SCD5: variants seen among roughly 807,000 people sequenced by gnomAD.
SCD5 encodes acyl-CoA-desaturase 4.
In SCD5, 20 loss-of-function variants were observed where a neutral mutation model predicts 30.4. That is an observed-to-expected ratio of 0.66 (90% CI 0.46 to 0.96). SCD5 has a LOEUF of 0.96. SCD5 is among the 40% of genes least tolerant of loss of function. The pLI, the probability that SCD5 is intolerant of heterozygous loss-of-function variation, is 0.00. For missense variants in SCD5, 381 were observed against 443.3 expected, an observed-to-expected ratio of 0.86 and a Z score of 1.26; for synonymous variants, 173 against 176.4, an observed-to-expected ratio of 0.98 and a Z score of 0.16.
chr4:82,637,868 T>C (rs866753514), intron 3 of SCD5, among the ~76,000 whole-genome samples: 12 of 152,106 alleles, frequency 7.9e-5, no homozygotes, highest in Admixed American at 6.5e-5. Flanking sequence ...ACTGTATGGT[T>C]CTTTTTAAAA....
Position 82,662,610 on chromosome 4 carries a change from A to G in SCD5, c.569+18097T>C, listed in dbSNP as rs190337576. Among the ~76,000 whole-genome samples the G allele has an allele frequency of 2.0e-5, 3 of 152,026 alleles. No homozygotes were observed. The East Asian group carries it at 5.8e-4, about 29-fold the overall frequency. ...TATGGTGGCTCATGCCTGTAATCCCAGCACTTTGGGAGGCTGAGGTAGGTG... is the reference window on the plus strand; with the variant it reads ...TATGGTGGCTCATGCCTGTAATCCCGGCACTTTGGGAGGCTGAGGTAGGTG... On this transcript the variant is annotated intron_variant, in intron 3 of 4. Transcript: ENST00000319540.
intron 3 of SCD5, among the ~76,000 whole-genome samples, chr4:82,645,921 C>T (rs1273011332): frequency 1.3e-5 from 2 of 152,194 alleles, no homozygotes; most frequent in Non-Finnish European, 2.9e-5. Context: ...AAAGAAATCA[C>T]CGTTCTCTGT....
intron 3 of SCD5, among the ~76,000 whole-genome samples, chr4:82,665,826 G>T (rs6535369): frequency 0.34 from 51,087 of 151,854 alleles, 9,277 homozygotes; most frequent in African/African-American, 0.48. Context: ...TTTTACATAG[G>T]ATATAGGATA....
At chr4:82,720,663 C>G (rs1429685536) in intron 1 of SCD5, among the ~76,000 whole-genome samples, 1 of 152,058 alleles carries the variant, frequency 6.6e-6, no homozygotes, top group Admixed American at 6.5e-5. Flanking sequence ...CTCTGTAGGT[C>G]CAGGTACTCA....
chr4:82,697,709 G>A (rs10014388), intron 2 of SCD5, among the ~76,000 whole-genome samples: 53,547 of 152,022 alleles, frequency 0.35, 10,188 homozygotes, highest in Middle Eastern at 0.52. Context: ...AGAAAATGCC[G>A]TACCCCACGC....
Position 82,631,138 on chromosome 4 carries a change from G to A in SCD5, c.*189C>T, listed in dbSNP as rs28476539. 0.2 allele frequency: 98,696 copies of A among 488,350 alleles called. 11,557 individuals are homozygous for A. Among genetic ancestry groups the A allele is most frequent in the East Asian group, 0.34 (9,748 of 28,974 alleles). 30.3% of individuals were successfully genotyped at this position (488,350 alleles called of 1,614,324 possible). A position where few individuals can be genotyped will look rare whatever the true frequency, so the allele number is the denominator to read the frequency against. On this transcript the variant is annotated 3_prime_UTR_variant, in exon 5 of 5. Transcript: ENST00000319540. ...AAACAAAACAAACAAAAAAAAAAAC[G>A]AAAGTTTTTTCATTGATAATTGTAT...
rs147086852 is a variant in SCD5, at chr4:82,712,686, T to C, written c.233-7273A>G. On this transcript the variant is annotated intron_variant, in intron 1 of 4. Coordinates refer to ENST00000319540, the MANE Select transcript of SCD5 (RefSeq NM_001037582.3). ...GGCCCAGAGTCCCTGAGTGTTTCTCTGACCAGCCAGATCAGAGAGACAGAG... is the reference window on the plus strand; with the variant it reads ...GGCCCAGAGTCCCTGAGTGTTTCTCCGACCAGCCAGATCAGAGAGACAGAG... 3.2e-3 allele frequency among the ~76,000 whole-genome samples: 484 copies of C among 152,196 alleles called. 3 individuals carry two copies. Among genetic ancestry groups the C allele is most frequent in the East Asian group, 0.028 (146 of 5,158 alleles).
At chr4:82,721,969 A>G (rs58112844) in intron 1 of SCD5, among the ~76,000 whole-genome samples, 6,484 of 152,314 alleles carry the variant, frequency 0.043, 463 homozygotes, top group African/African-American at 0.15. Flanking sequence ...TAGCATCAGT[A>G]ACACTGGAAC....
intron 1 of SCD5, among the ~76,000 whole-genome samples, chr4:82,769,243 C>G (rs78868620): frequency 0.037 from 5,661 of 152,202 alleles, 150 homozygotes; most frequent in African/African-American, 0.074. Context: ...CCTTTGTGAT[C>G]CTCAGTTTGC....
chr4:82,754,172 A>G (rs1441802176), intron 1 of SCD5, among the ~76,000 whole-genome samples: 1 of 152,220 alleles, frequency 6.6e-6, no homozygotes, highest in Admixed American at 6.5e-5. Context: ...GGAGTTAAGA[A>G]GGGCAAAAGA....
intron 1 of SCD5, among the ~76,000 whole-genome samples, chr4:82,775,245 C>T (rs1721720266): frequency 6.6e-6 from 1 of 152,228 alleles, no homozygotes; most frequent in African/African-American, 2.4e-5. Flanking sequence ...CTGTTCACTC[C>T]TTATTTCACT....
chr4:82,657,593 G>A (rs190839146), intron 3 of SCD5, among the ~76,000 whole-genome samples: 21 of 152,230 alleles, frequency 1.4e-4, no homozygotes, highest in African/African-American at 5.1e-4. Context: ...CTCTTTTTTG[G>A]TTCCATATGA....
At chr4:82,641,381 A>G (rs544041806) in intron 3 of SCD5, among the ~76,000 whole-genome samples, 62 of 152,280 alleles carry the variant, frequency 4.1e-4, no homozygotes, top group African/African-American at 1.4e-3. Context: ...ACAATGAACA[A>G]TATAAATAAG....
intron 2 of SCD5, among the ~76,000 whole-genome samples, chr4:82,704,215 G>A (rs1040159064): frequency 2.0e-5 from 3 of 152,194 alleles, no homozygotes; most frequent in African/African-American, 7.2e-5. Flanking sequence ...AGGTTGTCTC[G>A]TAGGAGTGGA....
chr4:82,737,061 G>A (rs1201092079), intron 1 of SCD5, among the ~76,000 whole-genome samples: 1 of 151,854 alleles, frequency 6.6e-6, no homozygotes, highest in African/African-American at 2.4e-5. Context: ...ACATATACTA[G>A]CTCAAAGGAT....
At chr4:82,702,910 T>C (rs1199711079) in intron 2 of SCD5, among the ~76,000 whole-genome samples, 1 of 152,216 alleles carries the variant, frequency 6.6e-6, no homozygotes, top group Non-Finnish European at 1.5e-5. Flanking sequence ...GTTCTAGTTC[T>C]CTCCCACTGA....
intron 2 of SCD5, among the ~76,000 whole-genome samples, chr4:82,690,133 C>G (rs1212084240): frequency 6.6e-6 from 1 of 152,262 alleles, no homozygotes; most frequent in East Asian, 1.9e-4. Flanking sequence ...AAATCCCTGA[C>G]TTTGGTAAGT....
intron 1 of SCD5, among the ~76,000 whole-genome samples, chr4:82,720,615 C>T (rs1415865182): frequency 6.6e-6 from 1 of 151,828 alleles, no homozygotes; most frequent in Non-Finnish European, 1.5e-5. Context: ...TTCTGCAATC[C>T]CCAATTGTGT....
intron 1 of SCD5, among the ~76,000 whole-genome samples, chr4:82,742,241 G>A (rs1325927086): frequency 6.6e-5 from 10 of 152,170 alleles, no homozygotes; most frequent in African/African-American, 2.4e-4. Flanking sequence ...CACCCAGAGT[G>A]GGCCATGACA....
Sources: gnomAD v4.1 joint callset for allele counts (sites outside exome capture counted in the v4.1 genomes callset) on GRCh38, gnomAD v4.1.1 for gene constraint, MANE v1.5 for transcripts, NCBI Gene and HGNC (gene_info 2026-07-23, HGNC 2026-07-21) for gene names.